AK7: variants seen among roughly 807,000 people sequenced by gnomAD.
AK7 encodes adenylate kinase 7, also known as ATP-AMP transphosphorylase 7.
A neutral mutation model predicts 96.6 loss-of-function variants in AK7; 78 were observed. The observed-to-expected ratio is 0.81, with a 90% CI of 0.67 to 0.97. The LOEUF is 0.97. AK7 is among the 50% of genes least tolerant of loss of function. AK7 has a pLI of 0.00. For missense variants in AK7, 855 were observed against 887.9 expected (o/e 0.96, Z 0.47); for synonymous variants, 302 against 317.2 (o/e 0.95, Z 0.51).
At chr14:96,461,249 G>A (rs1004264660) in intron 12 of AK7, among the ~76,000 whole-genome samples, 12 of 152,160 alleles carry the variant, frequency 7.9e-5, no homozygotes, top group African/African-American at 2.9e-4. Context: ...GATTGCTTGA[G>A]GTCAGCCTCG....
chr14:96,488,397 T>C lies in AK7; in HGVS notation c.*54T>C. ...TTACAGAACCACAGATCACTTATTATACTTTGAAAAATTGCTTTGAAAAAT... is the reference window on the plus strand; with the variant it reads ...TTACAGAACCACAGATCACTTATTACACTTTGAAAAATTGCTTTGAAAAAT... On this transcript the variant is annotated 3_prime_UTR_variant, in exon 18 of 18. Transcript: ENST00000267584. 3 of 1,504,410 alleles carry C rather than the reference T, an allele frequency of 2.0e-6. No individual in the cohort carries two copies. The highest frequency in any genetic ancestry group is 1.8e-6 in the Non-Finnish European group (2 of 1,109,482). 93.2% of individuals were successfully genotyped at this position (1,504,410 alleles called of 1,614,324 possible).
In AK7 at chr14:96,432,828, CAA is replaced by C. The variant is rs569057680; in HGVS notation, c.610-4991_610-4990del. 3.9e-3 allele frequency among the ~76,000 whole-genome samples: 494 copies of C among 125,946 alleles called. 4 individuals carry two copies. Among genetic ancestry groups the C allele is most frequent in the East Asian group, 0.036 (150 of 4,192 alleles). 82.6% of individuals were successfully genotyped at this position (125,946 alleles called of 152,430 possible). ...TGAAACCCTATCTCTACTAAAAATA[CAA>C]AAAAAAAAAAAAAAATAGCCGGGCA... On this transcript the variant is annotated intron_variant, in intron 5 of 17. Coordinates refer to ENST00000267584, the MANE Select transcript of AK7 (RefSeq NM_152327.5).
chr14:96,394,074 G>A (rs949036009), intron 1 of AK7, among the ~76,000 whole-genome samples: 4 of 150,708 alleles, frequency 2.7e-5, no homozygotes, highest in Non-Finnish European at 4.4e-5. Context: ...GCACCACTTC[G>A]CTCCAGCCTG....
chr14:96,469,803 GTT>G (rs1158327802), intron 12 of AK7, among the ~76,000 whole-genome samples: 1 of 151,980 alleles, frequency 6.6e-6, no homozygotes, highest in African/African-American at 2.4e-5. Flanking sequence ...AAGGAGAGGT[GTT>G]TTGTGTTTTG....
chr14:96,458,102 A>G lies in AK7; in HGVS notation c.1247A>G (p.Asn416Ser). The change falls in exon 12 of 18, where the codon AAC becomes AGC. Residue 416 changes from asparagine to serine, a missense_variant. Physicochemically the swap from Asn to Ser is conservative, Grantham distance 46. Transcript: ENST00000267584. ...ATGCAGGAGGCGATTGTTGCCCCTA[A>G]CGATGTAGGGGAAGGAGAAGAAGAA... Reference protein sequence around the residue: ...IAKLEAIVAPNDVGEGEEEVE... With the variant: ...IAKLEAIVAPSDVGEGEEEVE... The G allele has an allele frequency of 6.2e-7, 1 of 1,613,618 alleles. No homozygotes were observed.
intron 7 of AK7, among the ~76,000 whole-genome samples, chr14:96,444,052 G>A (rs1218449808): frequency 6.6e-6 from 1 of 152,110 alleles, no homozygotes; most frequent in Non-Finnish European, 1.5e-5. Flanking sequence ...TGGGATTACA[G>A]GCGTGAGCCA....
intron 12 of AK7, among the ~76,000 whole-genome samples, chr14:96,461,994 G>C (rs1224744923): frequency 7.9e-5 from 12 of 152,190 alleles, no homozygotes; most frequent in African/African-American, 2.9e-4. Flanking sequence ...TTTCACGCTT[G>C]GGGAGGTGAC....
At chr14:96,458,559 T>A (rs1011844771) in intron 12 of AK7, among the ~76,000 whole-genome samples, 2 of 151,756 alleles carry the variant, frequency 1.3e-5, no homozygotes, top group Non-Finnish European at 2.9e-5. Flanking sequence ...CTAGGCAACA[T>A]GGTGAACCCC....
intron 16 of AK7, among the ~76,000 whole-genome samples, chr14:96,483,967 T>C (rs2140181197): frequency 6.6e-6 from 1 of 152,068 alleles, no homozygotes; most frequent in East Asian, 1.9e-4. Flanking sequence ...TGGTGGTTCA[T>C]ACCTGTAATC....
chr14:96,474,098 T>A (rs1321542819), intron 14 of AK7, among the ~76,000 whole-genome samples: 1 of 152,140 alleles, frequency 6.6e-6, no homozygotes, highest in Non-Finnish European at 1.5e-5. Context: ...AGGGAATCAT[T>A]TTGGGTCATA....
In AK7 at chr14:96,455,987, C is replaced by T. The variant is rs1378778296; in HGVS notation, c.1099-360C>T. On this transcript the variant is annotated intron_variant, in intron 10 of 17. Coordinates refer to ENST00000267584, the MANE Select transcript of AK7 (RefSeq NM_152327.5). ...GACGTGGTGGCTCACATCTGTAATCCCAGCACTTTGGGAAGCTGAGGTGGG... is the reference window on the plus strand; with the variant it reads ...GACGTGGTGGCTCACATCTGTAATCTCAGCACTTTGGGAAGCTGAGGTGGG... 2.0e-5 allele frequency among the ~76,000 whole-genome samples: 3 copies of T among 151,906 alleles called. No individual in the cohort carries two copies. In the East Asian group the frequency reaches 5.8e-4, roughly 29 times the overall value.
At chr14:96,418,311 G>A (rs1156607111) in intron 4 of AK7, among the ~76,000 whole-genome samples, 1 of 19,492 alleles carries the variant, frequency 5.1e-5, no homozygotes, top group Admixed American at 5.6e-4. Context: ...GCAACAGAGT[G>A]AGACCTTGTC....
At chr14:96,454,848 A>G (rs147525637) in intron 10 of AK7, among the ~76,000 whole-genome samples, 26 of 152,090 alleles carry the variant, frequency 1.7e-4, no homozygotes, top group Middle Eastern at 3.4e-3. Context: ...GCCTGGCCTA[A>G]AAATTAGAAT....
intron 10 of AK7, among the ~76,000 whole-genome samples, 185 bp from the exon 11 acceptor site, chr14:96,456,162 T>G (rs1187048664): frequency 7.1e-6 from 1 of 141,100 alleles, no homozygotes; most frequent in Admixed American, 7.8e-5. Flanking sequence ...CGCTTGAACC[T>G]GGGAGGTGGA....
At chr14:96,445,486 C>G (rs974624055) in intron 7 of AK7, among the ~76,000 whole-genome samples, 6 of 152,030 alleles carry the variant, frequency 3.9e-5, no homozygotes, top group Non-Finnish European at 8.8e-5. Flanking sequence ...ATAGTGAAAC[C>G]CTGTCTCTAC....
At chr14:96,465,918 G>A (rs1321328215) in intron 12 of AK7, among the ~76,000 whole-genome samples, 9 of 149,854 alleles carry the variant, frequency 6.0e-5, no homozygotes, top group Non-Finnish European at 1.3e-4. Flanking sequence ...ACTGAGGCAG[G>A]AGAATTGGTT....
At chr14:96,473,363 G>A (rs1047475817) in intron 14 of AK7, among the ~76,000 whole-genome samples, 12 of 151,522 alleles carry the variant, frequency 7.9e-5, no homozygotes, top group Admixed American at 7.9e-4. Flanking sequence ...AGTAGAGACG[G>A]GGTTTCACCA....
intron 2 of AK7, among the ~76,000 whole-genome samples, chr14:96,402,733 G>A (rs1890485733): frequency 6.6e-6 from 1 of 152,048 alleles, no homozygotes. Flanking sequence ...GGGTCGAGTT[G>A]TTTCTCCCCC....
chr14:96,476,523 A>C (rs572668766), intron 14 of AK7, among the ~76,000 whole-genome samples: 3,085 of 151,772 alleles, frequency 0.02, 109 homozygotes, highest in African/African-American at 0.071. Context: ...AAAAAAAAAA[A>C]ACCATAGATT....
Sources: allele counts gnomAD v4.1 joint callset (sites outside exome capture counted in the v4.1 genomes callset), GRCh38; gene constraint gnomAD v4.1.1; transcripts MANE v1.5; gene names NCBI Gene and HGNC (gene_info 2026-07-23, HGNC 2026-07-21).